Variants in KCTD2 observed in about 807,000 individuals in gnomAD.
KCTD2 encodes BTB/POZ domain-containing protein KCTD2.
A neutral mutation model predicts 27.9 loss-of-function variants in KCTD2; 18 were observed. That is an observed-to-expected ratio of 0.64 (90% confidence interval 0.45 to 0.96). The LOEUF (loss-of-function observed/expected upper bound fraction) is 0.96, where lower values mean the gene tolerates loss of function less well. Ranked by LOEUF, KCTD2 falls within the 40% of genes least tolerant of loss-of-function variation. The pLI is 0.00. For synonymous variants in KCTD2, 175 were observed against 148.4 expected (o/e 1.18, Z -1.30); for missense variants, 280 against 348.0 (o/e 0.80, Z 1.56).
In KCTD2 at chr17:75,063,176, A is replaced by C. The variant is rs1355338681; in HGVS notation, c.*129A>C. 1 of 905,060 alleles carries C rather than the reference A, an allele frequency of 1.1e-6. No individual in the cohort carries two copies. Among genetic ancestry groups the C allele is most frequent in the Non-Finnish European group, 1.8e-6 (1 of 556,636 alleles). 56.1% of individuals were successfully genotyped at this position (905,060 alleles called of 1,614,324 possible). A position where few individuals can be genotyped will look rare whatever the true frequency, so the allele number is the denominator to read the frequency against. On this transcript the variant is annotated 3_prime_UTR_variant, in exon 6 of 6. Transcript: ENST00000322444. ...AGCTGATCCTGGCCCCCTGTGAAGAAGTGTTCTGGTCAAAACTAAAGGAAC... is the reference window on the plus strand; with the variant it reads ...AGCTGATCCTGGCCCCCTGTGAAGACGTGTTCTGGTCAAAACTAAAGGAAC...
At chr17:75,049,079 T>C (rs2073259112) in intron 1 of KCTD2, 141 bp from the exon 2 acceptor site, 1 of 543,338 alleles carries the variant, frequency 1.8e-6, no homozygotes, top group African/African-American at 1.9e-5. Flanking sequence ...TGTAACAAAA[T>C]TTGCCATCAC....
intron 3 of KCTD2, among the ~76,000 whole-genome samples, chr17:75,036,416 C>G (rs996731232): frequency 6.6e-6 from 1 of 152,244 alleles, no homozygotes; most frequent in African/African-American, 2.4e-5. Flanking sequence ...CCACCGCGCC[C>G]TGCCCAATTA....
chr17:75,062,874 CG>C, intron 5 of KCTD2, 143 bp from the exon 6 acceptor site: 1 of 783,498 alleles, frequency 1.3e-6, no homozygotes, highest in South Asian at 1.6e-5. Context: ...AGAAGCACTG[CG>C]GGTGAGGCTG....
In KCTD2 at chr17:75,047,482, G is replaced by A. The variant is rs1418015156; in HGVS notation, c.232G>A (p.Val78Met). 1.9e-6 allele frequency: 3 copies of A among 1,595,386 alleles called. No individual in the cohort carries two copies. The highest frequency in any genetic ancestry group is 2.4e-5 in the East Asian group (1 of 41,908). ...CGCGGCCCGCTGGGTCAGGCTGAAC[G>A]TGGGAGGCACCTACTTCGTGACCAC... ...GGAARWVRLNVGGTYFVTTRQ... is the reference protein window; with the variant it reads ...GGAARWVRLNMGGTYFVTTRQ... The change falls in exon 1 of 6, where the codon GTG becomes ATG. Residue 78 changes from valine (V) to methionine (M), a missense_variant. Physicochemically the swap from Val to Met is conservative, Grantham distance 21. Coordinates refer to ENST00000322444, the MANE Select transcript of KCTD2 (RefSeq NM_015353.3).
At chr17:75,052,917 A>T in intron 2 of KCTD2, 97 bp from the exon 3 acceptor site, 1 of 876,702 alleles carries the variant, frequency 1.1e-6, no homozygotes, top group East Asian at 2.4e-5. Flanking sequence ...ATAAATAAAT[A>T]AGCAGTTTTT....
intron 2 of KCTD2, among the ~76,000 whole-genome samples, chr17:75,051,442 G>T (rs886433427): frequency 6.6e-6 from 1 of 151,512 alleles, no homozygotes; most frequent in Non-Finnish European, 1.5e-5. Flanking sequence ...ATGCCACCAC[G>T]CCTGGCTAAT....
chr17:75,043,628 A>AAC (rs2073183236), upstream of KCTD2, among the ~76,000 whole-genome samples: 1 of 151,370 alleles, frequency 6.6e-6, no homozygotes, highest in South Asian at 2.1e-4. Context: ...AAAAAAAAAA[A>AAC]CAAACCCCAG....
intron 2 of KCTD2, among the ~76,000 whole-genome samples, chr17:75,051,837 A>T (rs919009364): frequency 3.3e-5 from 5 of 152,166 alleles, no homozygotes; most frequent in African/African-American, 1.2e-4. Context: ...CAGTTTTGTC[A>T]GTTGTCCTAA....
intron 1 of KCTD2, among the ~76,000 whole-genome samples, chr17:75,048,682 C>T (rs1315361789): frequency 6.6e-6 from 1 of 152,170 alleles, no homozygotes; most frequent in Non-Finnish European, 1.5e-5. Flanking sequence ...ACCGAGCTTC[C>T]TCTGGGCACA....
chr17:75,039,786 T>G (rs1360518625), intron 3 of KCTD2: 1 of 376,432 alleles, frequency 2.7e-6, no homozygotes, highest in Non-Finnish European at 4.8e-6. Flanking sequence ...AGTTTTGATA[T>G]AGGTATCCAC....
chr17:75,046,580 C>G (rs1158264980), upstream of KCTD2, among the ~76,000 whole-genome samples: 1 of 152,228 alleles, frequency 6.6e-6, no homozygotes, highest in African/African-American at 2.4e-5. Context: ...CTGAGCGTCC[C>G]TCGGCAGGTT....
At chr17:75,048,681 C>T (rs1238516240) in intron 1 of KCTD2, among the ~76,000 whole-genome samples, 2 of 152,170 alleles carry the variant, frequency 1.3e-5, no homozygotes, top group Non-Finnish European at 2.9e-5. Context: ...TACCGAGCTT[C>T]CTCTGGGCAC....
chr17:75,047,599 G>T lies in KCTD2; in HGVS notation c.339+10G>T. The T allele has an allele frequency of 6.2e-7, 1 of 1,602,258 alleles. No homozygotes were observed. On this transcript the variant is annotated intron_variant, in intron 1 of 5. Transcript: ENST00000322444. ...GCTGGACTCAGACAAGGTGTGCCCC[G>T]CCCTCGGGCGCGCCCCCGGGCCTTC... is the stretch of plus-strand genomic sequence containing the variant.
At chr17:75,052,560 A>G (rs935617802) in intron 2 of KCTD2, among the ~76,000 whole-genome samples, 2 of 152,236 alleles carry the variant, frequency 1.3e-5, no homozygotes, top group Admixed American at 1.3e-4. Context: ...TGTCTCTACT[A>G]AAAATACAAA....
intron 3 of KCTD2, among the ~76,000 whole-genome samples, chr17:75,037,909 C>T (rs1164118166): frequency 6.6e-6 from 1 of 151,568 alleles, no homozygotes. Flanking sequence ...ATTAGCCGGG[C>T]GTGATGGCGG....
chr17:75,062,961 C>T (rs1394550970), intron 5 of KCTD2, 57 bp from the exon 6 acceptor site: 11 of 1,584,844 alleles, frequency 6.9e-6, no homozygotes, highest in South Asian at 1.1e-5. Context: ...AAGCATCCCC[C>T]GACATCTCTG....
chr17:75,044,819 G>C (rs1396642452), upstream of KCTD2, among the ~76,000 whole-genome samples: 1 of 152,206 alleles, frequency 6.6e-6, no homozygotes, highest in African/African-American at 2.4e-5. Context: ...GGAATGCAAG[G>C]GAGGCGGAAG....
chr17:75,042,427 T>C (rs909843303), upstream of KCTD2: 19 of 1,527,528 alleles, frequency 1.2e-5, no homozygotes, highest in Admixed American at 2.0e-5. Context: ...TTTCTTTATA[T>C]GTTGTCATAA....
intron 3 of KCTD2, chr17:75,042,216 C>T: frequency 6.2e-7 from 1 of 1,614,194 alleles, no homozygotes; most frequent in Non-Finnish European, 8.5e-7. Context: ...CCAGCCTTGG[C>T]CACATTGGCC....
Sources: allele counts gnomAD v4.1 joint callset (sites outside exome capture counted in the v4.1 genomes callset), GRCh38; gene constraint gnomAD v4.1.1; transcripts MANE v1.5; gene names NCBI Gene and HGNC (gene_info 2026-07-23, HGNC 2026-07-21).